VRK2: variants seen among roughly 807,000 people sequenced by gnomAD.
The protein encoded by VRK2 is VRK serine/threonine kinase 2.
In VRK2, 60 loss-of-function variants were observed where a neutral mutation model predicts 57.6. The ratio of observed to expected loss-of-function variants is 1.04; its 90% CI spans 0.85 to 1.29. The LOEUF is 1.29. VRK2 is among the 50% of genes most tolerant of loss of function. VRK2 has a pLI of 0.00. For synonymous variants in VRK2, 231 were observed against 199.2 expected, an observed-to-expected ratio of 1.16 and a Z score of -1.35; for missense variants, 705 against 588.1, an observed-to-expected ratio of 1.20 and a Z score of -2.06.
chr2:58,049,510 ATT>A (rs1199771636), intron 2 of VRK2, among the ~76,000 whole-genome samples: 1 of 152,006 alleles, frequency 6.6e-6, no homozygotes, highest in Non-Finnish European at 1.5e-5. Context: ...ACTCAAAATT[ATT>A]TTCTGTGATC....
chr2:57,965,542 T>C (rs987958497), intron 1 of VRK2, among the ~76,000 whole-genome samples: 1 of 152,196 alleles, frequency 6.6e-6, no homozygotes, highest in Non-Finnish European at 1.5e-5. Flanking sequence ...TACAAAGCAG[T>C]CTTTTGATTA....
chr2:58,156,636 T>C (rs766930143), intron 12 of VRK2, among the ~76,000 whole-genome samples: 1 of 152,088 alleles, frequency 6.6e-6, no homozygotes, highest in Non-Finnish European at 1.5e-5. Flanking sequence ...CTCTAGTTGA[T>C]TGTCAAATCA....
intron 7 of VRK2, among the ~76,000 whole-genome samples, chr2:58,115,285 G>A (rs1383893296): frequency 2.0e-5 from 3 of 152,088 alleles, no homozygotes; most frequent in Admixed American, 2.0e-4. Context: ...TGTGGTATCA[G>A]GAATAATGTG....
chr2:58,013,523 A>T (rs1017728840), intron 1 of VRK2, among the ~76,000 whole-genome samples: 1 of 152,232 alleles, frequency 6.6e-6, no homozygotes, highest in African/African-American at 2.4e-5. Flanking sequence ...TTTTATAAAT[A>T]AGTAATAATA....
intron 1 of VRK2, among the ~76,000 whole-genome samples, chr2:57,915,443 A>G (rs1394110111): frequency 6.6e-6 from 1 of 152,204 alleles, no homozygotes; most frequent in Non-Finnish European, 1.5e-5. Flanking sequence ...CACATATTTA[A>G]AGAAATCAGG....
rs563087464 is a variant in VRK2, at chr2:58,070,407, TAC to T, written c.137-13680_137-13679del. Among the ~76,000 whole-genome samples, 47 of 152,286 alleles carry T rather than the reference TAC, an allele frequency of 3.1e-4. No homozygotes were observed. The South Asian group carries it at 8.7e-3, about 28-fold the overall frequency. ...ATGCATAATATCATGTGTCCACCAT[TAC>T]AGTCTCATACAGACTAATTTCACTG... On this transcript the variant is annotated intron_variant, in intron 2 of 12. Transcript: ENST00000340157.
chr2:57,919,013 T>C (rs1670247523), intron 1 of VRK2, among the ~76,000 whole-genome samples: 1 of 152,144 alleles, frequency 6.6e-6, no homozygotes, highest in African/African-American at 2.4e-5. Flanking sequence ...TCTTGTTCTA[T>C]TGACCATCTT....
chr2:58,157,086 G>T (rs1683996921), intron 12 of VRK2, among the ~76,000 whole-genome samples: 1 of 152,044 alleles, frequency 6.6e-6, no homozygotes. Context: ...TTAAATTGTG[G>T]CCTTTCTTAG....
intron 3 of VRK2, 92 bp from the exon 4 acceptor site, chr2:58,084,789 C>A: frequency 2.4e-6 from 2 of 820,108 alleles, no homozygotes; most frequent in Non-Finnish European, 3.8e-6. Context: ...TTATATACTA[C>A]ATATATATGT....
At chr2:57,982,149 G>T (rs1672440256) in intron 1 of VRK2, among the ~76,000 whole-genome samples, 1 of 152,154 alleles carries the variant, frequency 6.6e-6, no homozygotes. Context: ...GCTTTCAGGG[G>T]CCAAGATTCA....
intron 7 of VRK2, among the ~76,000 whole-genome samples, chr2:58,114,824 G>A (rs1306888206): frequency 6.6e-6 from 1 of 152,176 alleles, no homozygotes; most frequent in Non-Finnish European, 1.5e-5. Flanking sequence ...AATGACTGTG[G>A]TGGCCTTCTC....
chr2:58,146,481 G>C lies in VRK2; in HGVS notation c.1182+7G>C, dbSNP rs971116517. 2 of 1,602,208 alleles carry C rather than the reference G, an allele frequency of 1.2e-6. No individual in the cohort carries two copies. The highest frequency in any genetic ancestry group is 1.7e-6 in the Non-Finnish European group (2 of 1,174,610). On this transcript the variant is annotated splice_region_variant and intron_variant, in intron 12 of 12. Transcript: ENST00000340157. The stretch of plus-strand genomic sequence containing the variant: ...GAACAATGAAGCAGCTCAGGTGAGA[G>C]GGTTGTTTGTGTGTGTTTTTTCTAA...
At chr2:58,080,104 G>A (rs1399963043) in intron 2 of VRK2, among the ~76,000 whole-genome samples, 1 of 151,868 alleles carries the variant, frequency 6.6e-6, no homozygotes, top group Non-Finnish European at 1.5e-5. Context: ...TTCTTTATTT[G>A]TGGAGTTTAC....
chr2:58,078,723 G>T (rs976301552), intron 2 of VRK2, among the ~76,000 whole-genome samples: 1 of 152,084 alleles, frequency 6.6e-6, no homozygotes, highest in Non-Finnish European at 1.5e-5. Flanking sequence ...TGGATAGGGG[G>T]TGATATTGTG....
chr2:57,959,026 A>C (rs966491178), intron 1 of VRK2, among the ~76,000 whole-genome samples: 2 of 152,210 alleles, frequency 1.3e-5, no homozygotes, highest in African/African-American at 4.8e-5. Context: ...GGAATCTCTT[A>C]TTCTTACATT....
At chr2:58,007,473 C>G (rs191875090) in intron 1 of VRK2, among the ~76,000 whole-genome samples, 1 of 151,612 alleles carries the variant, frequency 6.6e-6, no homozygotes, top group African/African-American at 2.4e-5. Flanking sequence ...CCCTACATAA[C>G]GTAAAGATGA....
intron 1 of VRK2, among the ~76,000 whole-genome samples, chr2:57,941,510 G>T (rs1671092951): frequency 6.6e-6 from 1 of 152,130 alleles, no homozygotes; most frequent in Admixed American, 6.5e-5. Flanking sequence ...TATTATAAAG[G>T]TATTTCTCAA....
At chr2:58,144,938 T>C (rs1049129889) in intron 11 of VRK2, among the ~76,000 whole-genome samples, 3 of 151,978 alleles carry the variant, frequency 2.0e-5, no homozygotes, top group Admixed American at 2.0e-4. Flanking sequence ...CGATAAAAGC[T>C]AAAAATTGAG....
rs1209349105 is a variant in VRK2, at chr2:57,953,551, A to T, written c.-439+45712A>T. On this transcript the variant is annotated intron_variant, in intron 1 of 15. Coordinates refer to the VRK2 transcript ENST00000417641. Reference sequence around the variant, plus strand: ...ATTAGAACTGCAGTTATACACTTAAACACTTTTCTGCTTATTAAGGTAGTT... The same window carrying T: ...ATTAGAACTGCAGTTATACACTTAATCACTTTTCTGCTTATTAAGGTAGTT... Among the ~76,000 whole-genome samples, 3 of 152,128 alleles carry T rather than the reference A, an allele frequency of 2.0e-5. No homozygotes were observed. In the East Asian group the frequency reaches 5.8e-4, roughly 29 times the overall value.
Sources: gnomAD v4.1 joint callset for allele counts (sites outside exome capture counted in the v4.1 genomes callset) on GRCh38, gnomAD v4.1.1 for gene constraint, MANE v1.5 for transcripts, NCBI Gene and HGNC (gene_info 2026-07-23, HGNC 2026-07-21) for gene names.